Variants in SERINC5 observed in about 807,000 individuals in gnomAD.
SERINC5 encodes the protein serine incorporator 5, also known as chromosome 5 open reading frame 12.
A neutral mutation model predicts 63.1 loss-of-function variants in SERINC5; 41 were observed. The observed-to-expected ratio is 0.65, with a 90% CI of 0.51 to 0.84. The LOEUF is 0.84. SERINC5 is among the 40% of genes least tolerant of loss of function. The pLI is 0.00. For missense variants in SERINC5, 523 were observed against 573.0 expected (o/e 0.91, Z 0.89); for synonymous variants, 222 against 215.2 (o/e 1.03, Z -0.28).
In SERINC5 at chr5:80,164,026, T is replaced by A. The variant is rs186029071; in HGVS notation, c.859+2357A>T. Among the ~76,000 whole-genome samples the A allele has an allele frequency of 7.2e-3, 1,094 of 152,312 alleles. 11 individuals are homozygous for A. Among genetic ancestry groups the A allele is most frequent in the African/African-American group, 0.023 (937 of 41,566 alleles). ...GGCTTTTTCTTATTGGAAGATTTTT[T>A]AAATCACTGATTCAATATCACTACT... On this transcript the variant is annotated intron_variant, in intron 7 of 11. Coordinates refer to ENST00000507668, the MANE Select transcript of SERINC5 (RefSeq NM_001174072.3).
chr5:80,162,732 C>T (rs1162681359), intron 7 of SERINC5, among the ~76,000 whole-genome samples: 1 of 152,050 alleles, frequency 6.6e-6, no homozygotes, highest in Non-Finnish European at 1.5e-5. Context: ...TCTTTCACGT[C>T]CTTCGTTAAA....
At chr5:80,133,006 G>A (rs1053834329) in intron 11 of SERINC5, among the ~76,000 whole-genome samples, 1 of 152,166 alleles carries the variant, frequency 6.6e-6, no homozygotes, top group African/African-American at 2.4e-5. Flanking sequence ...GGTGGGGCCT[G>A]GTGGGAGGTG....
intron 2 of SERINC5, among the ~76,000 whole-genome samples, chr5:80,187,389 G>GATAT (rs2112448282): frequency 6.6e-6 from 1 of 152,162 alleles, no homozygotes; most frequent in African/African-American, 2.4e-5. Flanking sequence ...TCCCTTTTCT[G>GATAT]ATATTCCACT....
chr5:80,120,420 T>C (rs1156583106), intron 11 of SERINC5, among the ~76,000 whole-genome samples: 1 of 152,182 alleles, frequency 6.6e-6, no homozygotes, highest in Non-Finnish European at 1.5e-5. Context: ...CCTGAGTTAC[T>C]AGGTAGGGGA....
chr5:80,243,593 G>C (rs940626955), intron 1 of SERINC5, among the ~76,000 whole-genome samples: 1 of 151,768 alleles, frequency 6.6e-6, no homozygotes, highest in Non-Finnish European at 1.5e-5. Context: ...GAGTTTCTGT[G>C]GTTCCATAAC....
chr5:80,220,695 T>A (rs1387942474), intron 1 of SERINC5, among the ~76,000 whole-genome samples: 1 of 151,776 alleles, frequency 6.6e-6, no homozygotes, highest in South Asian at 2.1e-4. Flanking sequence ...CGCCTCTGAG[T>A]CACTGCCCTC....
chr5:80,216,090 G>C lies in SERINC5; in HGVS notation c.28-13037C>G, dbSNP rs528847345. 2.0e-5 allele frequency among the ~76,000 whole-genome samples: 3 copies of C among 152,304 alleles called. No individual in the cohort carries two copies. In the South Asian group the frequency reaches 6.2e-4, roughly 32 times the overall value. On this transcript the variant is annotated intron_variant, in intron 1 of 11. Coordinates refer to ENST00000507668, the MANE Select transcript of SERINC5 (RefSeq NM_001174072.3). ...TGAGATCTATAAGGTTTGAGGTTGA[G>C]GGTAAACAACATCCCTTCTGACAGC...
At chr5:80,145,784 T>TG (rs1008315589) in intron 11 of SERINC5, among the ~76,000 whole-genome samples, 1 of 152,112 alleles carries the variant, frequency 6.6e-6, no homozygotes, top group African/African-American at 2.4e-5. Flanking sequence ...CCAAGGCAGG[T>TG]GGATCACTTG....
chr5:80,248,429 C>G (rs554262126), intron 1 of SERINC5, among the ~76,000 whole-genome samples: 17 of 152,284 alleles, frequency 1.1e-4, no homozygotes, highest in Non-Finnish European at 2.2e-4. Context: ...TGATTCACAT[C>G]CCGGTGGGAT....
At chr5:80,131,166 G>A (rs920531313) in intron 11 of SERINC5, among the ~76,000 whole-genome samples, 9 of 152,106 alleles carry the variant, frequency 5.9e-5, no homozygotes, top group African/African-American at 1.7e-4. Flanking sequence ...TCATGGGGGG[G>A]ACCTGGTGAG....
chr5:80,111,231 T>C (rs887084521), downstream of SERINC5, among the ~76,000 whole-genome samples: 2 of 152,130 alleles, frequency 1.3e-5, no homozygotes, highest in Middle Eastern at 3.2e-3. Context: ...CTGAGACGAA[T>C]TGAGGAGTCC....
At chr5:80,173,187 A>G (rs1313034818) in intron 5 of SERINC5, among the ~76,000 whole-genome samples, 2 of 150,736 alleles carry the variant, frequency 1.3e-5, no homozygotes, top group African/African-American at 2.5e-5. Context: ...AGAGGAAAGG[A>G]AAAGGAAAAG....
intron 8 of SERINC5, among the ~76,000 whole-genome samples, chr5:80,152,125 T>C (rs960136730): frequency 6.6e-6 from 1 of 152,350 alleles, no homozygotes; most frequent in African/African-American, 2.4e-5. Flanking sequence ...CTCCACCTCC[T>C]GACTGTGTGC....
chr5:80,157,851 G>A (rs1230784569), intron 8 of SERINC5: 1 of 152,168 alleles, frequency 6.6e-6, no homozygotes, highest in African/African-American at 2.4e-5. Context: ...ATTGCTTGAT[G>A]TGTGACCCTG....
rs760878426 is a variant in SERINC5 at position 80,203,075 on chromosome 5, T to A, written c.28-22A>T. The A allele has an allele frequency of 3.2e-6, 5 of 1,583,186 alleles. No individual in the cohort carries two copies. The South Asian group carries it at 4.6e-5, about 15-fold the overall frequency. On this transcript the variant is annotated intron_variant, in intron 1 of 11. Coordinates refer to ENST00000507668, the MANE Select transcript of SERINC5 (RefSeq NM_001174072.3). Reference sequence around the variant, plus strand: ...CCAGCTAGAAAAGGAACAGAAGGCATCTGCTTAGAGCATGATACTGTGATA... The same window carrying A: ...CCAGCTAGAAAAGGAACAGAAGGCAACTGCTTAGAGCATGATACTGTGATA...
chr5:80,217,224 G>A (rs1282775069), intron 1 of SERINC5, among the ~76,000 whole-genome samples: 1 of 151,866 alleles, frequency 6.6e-6, no homozygotes, highest in African/African-American at 2.4e-5. Flanking sequence ...AAGAAGGTGG[G>A]CAGAAACCCT....
intron 1 of SERINC5, among the ~76,000 whole-genome samples, chr5:80,243,365 T>C (rs1752031767): frequency 6.6e-6 from 1 of 152,098 alleles, no homozygotes; most frequent in African/African-American, 2.4e-5. Flanking sequence ...ATCACTAATA[T>C]TGTTAAAGGG....
chr5:80,241,476 A>G (rs1477966334), intron 1 of SERINC5, among the ~76,000 whole-genome samples: 2 of 152,132 alleles, frequency 1.3e-5, no homozygotes, highest in Admixed American at 6.5e-5. Flanking sequence ...TCAAATAATA[A>G]TAAGAAGAAG....
At chr5:80,235,442 C>G (rs1416944764) in intron 1 of SERINC5, among the ~76,000 whole-genome samples, 1 of 152,166 alleles carries the variant, frequency 6.6e-6, no homozygotes, top group Non-Finnish European at 1.5e-5. Context: ...CTGCTAGACC[C>G]AAGAACATAT....
Sources: allele counts gnomAD v4.1 joint callset (sites outside exome capture counted in the v4.1 genomes callset), GRCh38; gene constraint gnomAD v4.1.1; transcripts MANE v1.5; gene names NCBI Gene and HGNC (gene_info 2026-07-23, HGNC 2026-07-21).